The following EBAG9 variants were observed in gnomAD, a reference collection of about 807,000 sequenced individuals.
EBAG9 encodes estrogen receptor binding site associated antigen 9, also known as receptor-binding cancer antigen expressed on SiSo cells.
EBAG9 carries 16 observed loss-of-function variants against 30.9 expected under a neutral mutation model. That is an observed-to-expected ratio of 0.52 (90% CI 0.35 to 0.79). The LOEUF (loss-of-function observed/expected upper bound fraction) is 0.79. Among genes scored for constraint, EBAG9 ranks in the 30% least tolerant of loss-of-function variants. The pLI, the probability that EBAG9 is intolerant of heterozygous loss-of-function variation, is 0.01. For synonymous variants in EBAG9, 93 were observed against 82.8 expected (o/e 1.12, Z -0.67); for missense variants, 197 against 242.1 (o/e 0.81, Z 1.24).
intron 5 of EBAG9, among the ~76,000 whole-genome samples, chr8:109,557,513 T>C (rs1411412990): frequency 6.6e-6 from 1 of 152,200 alleles, no homozygotes; most frequent in East Asian, 1.9e-4. Flanking sequence ...CAGAATCAGC[T>C]TTGGAGGTTT....
At chr8:109,549,308 G>A (rs1821448222) in intron 1 of EBAG9, among the ~76,000 whole-genome samples, 1 of 151,820 alleles carries the variant, frequency 6.6e-6, no homozygotes, top group Non-Finnish European at 1.5e-5. Context: ...ACTAATATTT[G>A]GCTAAGGAGA....
At chr8:109,544,794 A>AT (rs990795400) in intron 1 of EBAG9, among the ~76,000 whole-genome samples, 3 of 152,178 alleles carry the variant, frequency 2.0e-5, no homozygotes, top group Admixed American at 1.3e-4. Context: ...GGATTAACAG[A>AT]TTTTTTTCCC....
intron 1 of EBAG9, among the ~76,000 whole-genome samples, chr8:109,542,555 T>G (rs1033156901): frequency 6.6e-5 from 10 of 152,212 alleles, no homozygotes; most frequent in Non-Finnish European, 1.0e-4. Flanking sequence ...TACCACACGT[T>G]CTGTAGTCTC....
chr8:109,548,714 T>A (rs1387969967), intron 1 of EBAG9, among the ~76,000 whole-genome samples: 1 of 152,036 alleles, frequency 6.6e-6, no homozygotes, highest in Non-Finnish European at 1.5e-5. Flanking sequence ...AGTATCATTT[T>A]TTTATGCCTA....
At chr8:109,541,040 T>C (rs1821263862) in intron 1 of EBAG9, among the ~76,000 whole-genome samples, 1 of 151,988 alleles carries the variant, frequency 6.6e-6, no homozygotes, top group Non-Finnish European at 1.5e-5. Flanking sequence ...GCATTCTTTT[T>C]TTAATTGTAT....
intron 1 of EBAG9, 96 bp from the exon 2 acceptor site, chr8:109,550,709 ATATCT>A (rs1440590558): frequency 3.0e-6 from 2 of 674,498 alleles, no homozygotes; most frequent in African/African-American, 1.9e-5. Context: ...AAGGTAAAAA[ATATCT>A]TAGATTTTTC....
At chr8:109,545,045 G>C (rs894972063) in intron 1 of EBAG9, among the ~76,000 whole-genome samples, 1 of 152,030 alleles carries the variant, frequency 6.6e-6, no homozygotes, top group Admixed American at 6.5e-5. Flanking sequence ...GATACAGACC[G>C]GGCGTGGTGG....
intron 2 of EBAG9, 107 bp downstream of exon 2, chr8:109,551,014 A>G: frequency 1.5e-6 from 1 of 667,122 alleles, no homozygotes; most frequent in Non-Finnish European, 2.6e-6. Context: ...TAAGCTGAAT[A>G]TCTTGATTGC....
At chr8:109,556,192 A>G (rs1336122005) in intron 4 of EBAG9, among the ~76,000 whole-genome samples, 1 of 152,078 alleles carries the variant, frequency 6.6e-6, no homozygotes, top group East Asian at 1.9e-4. Context: ...ACACACACAC[A>G]TACACACTTC....
At position 109,556,897 on chromosome 8, in the gene EBAG9, A is replaced by G. The variant is rs757607217; in HGVS notation, c.322-38A>G. 5 of 1,182,018 alleles carry G rather than the reference A, an allele frequency of 4.2e-6. No individual in the cohort carries two copies. The African/African-American group carries it at 7.8e-5, about 19-fold the overall frequency. 73.2% of individuals were successfully genotyped at this position (1,182,018 alleles called of 1,614,324 possible). ...TGTCTATTTTTATGTAGTGATTTGT[A>G]AAAGATCCCTATAATTCTTTTTCAA... On this transcript the variant is annotated intron_variant, in intron 4 of 6. Transcript: ENST00000337573.
intron 1 of EBAG9, among the ~76,000 whole-genome samples, chr8:109,546,032 G>A (rs1821377663): frequency 6.6e-6 from 1 of 152,224 alleles, no homozygotes; most frequent in African/African-American, 2.4e-5. Flanking sequence ...AGCTATTACA[G>A]TATATTGAAA....
intron 1 of EBAG9, among the ~76,000 whole-genome samples, chr8:109,546,217 C>T (rs1370145898): frequency 6.6e-6 from 1 of 152,126 alleles, no homozygotes; most frequent in African/African-American, 2.4e-5. Context: ...AGAATATGAA[C>T]ACTGTTCTAA....
chr8:109,545,457 AG>A (rs34813853), intron 1 of EBAG9, among the ~76,000 whole-genome samples: 150,256 of 150,258 alleles, frequency 1, 75,127 homozygotes, highest in Middle Eastern at 1. Context: ...TCCGCCTCCC[AG>A]GGTTCAAGTG....
chr8:109,564,110 G>T (rs907359311), intron 6 of EBAG9, among the ~76,000 whole-genome samples: 4 of 152,046 alleles, frequency 2.6e-5, no homozygotes, highest in African/African-American at 9.7e-5. Flanking sequence ...ACAAAATGGA[G>T]ATAATCTAAA....
intron 5 of EBAG9, among the ~76,000 whole-genome samples, chr8:109,558,746 T>C (rs1275000230): frequency 6.6e-6 from 1 of 152,222 alleles, no homozygotes; most frequent in Non-Finnish European, 1.5e-5. Flanking sequence ...CAAAAATATC[T>C]TACCATTCAT....
chr8:109,556,803 C>CT (rs1276447688), intron 4 of EBAG9, 132 bp from the exon 5 acceptor site: 123 of 435,104 alleles, frequency 2.8e-4, no homozygotes, highest in South Asian at 4.8e-4. Context: ...TATTTACAGA[C>CT]TTTTTTTTTA....
chr8:109,547,490 T>C (rs1390584690), intron 1 of EBAG9, among the ~76,000 whole-genome samples: 1 of 152,040 alleles, frequency 6.6e-6, no homozygotes, highest in Non-Finnish European at 1.5e-5. Flanking sequence ...TGTTCTTTTT[T>C]TTTTTTTCGA....
At chr8:109,563,756 T>C (rs889453397) in intron 6 of EBAG9, among the ~76,000 whole-genome samples, 3 of 152,024 alleles carry the variant, frequency 2.0e-5, no homozygotes, top group African/African-American at 4.8e-5. Context: ...CCTCAGCCTT[T>C]CCGGTAGGCC....
intron 1 of EBAG9, among the ~76,000 whole-genome samples, chr8:109,543,681 T>TA (rs1256534174): frequency 6.6e-6 from 1 of 152,148 alleles, no homozygotes; most frequent in Non-Finnish European, 1.5e-5. Flanking sequence ...TTTTATTAGG[T>TA]AAAAAGCTGC....
Sources: allele counts gnomAD v4.1 joint callset (sites outside exome capture counted in the v4.1 genomes callset), GRCh38; gene constraint gnomAD v4.1.1; transcripts MANE v1.5; gene names NCBI Gene and HGNC (gene_info 2026-07-23, HGNC 2026-07-21).